The following RUNX2 variants were observed in gnomAD, a reference collection of about 807,000 sequenced individuals.
The protein encoded by RUNX2 is RUNX family transcription factor 2, also known as runt-related transcription factor 2.
RUNX2 carries 10 observed loss-of-function variants against 51.7 expected under a neutral mutation model. The ratio of observed to expected loss-of-function variants is 0.19; its 90% CI spans 0.12 to 0.33. The LOEUF is 0.33. RUNX2 is among the 10% of genes least tolerant of loss of function. The probability of loss-of-function intolerance (pLI) is 1.00; values close to 1 mark genes in which losing one functional copy is unlikely to be tolerated. For synonymous variants in RUNX2, 276 were observed against 273.6 expected, an observed-to-expected ratio of 1.01 and a Z score of -0.09; for missense variants, 562 against 691.3, an observed-to-expected ratio of 0.81 and a Z score of 2.10.
At position 45,462,825 on chromosome 6, in the gene RUNX2, G is replaced by A. The variant is rs566196391; in HGVS notation, c.685+24774G>A. On this transcript the variant is annotated intron_variant, in intron 5 of 8. Coordinates refer to ENST00000647337, the MANE Select transcript of RUNX2 (RefSeq NM_001024630.4). ...AAACTTAAGCAAGTGAGCATCAATT[G>A]CAAGTTAATTTTGACATGGATGTCT... Among the ~76,000 whole-genome samples, 6 of 152,310 alleles carry A rather than the reference G, an allele frequency of 3.9e-5. No homozygotes were observed. The East Asian group carries it at 9.7e-4, about 25-fold the overall frequency.
intron 3 of RUNX2, among the ~76,000 whole-genome samples, chr6:45,427,025 A>G (rs899628424): frequency 6.6e-6 from 1 of 152,194 alleles, no homozygotes; most frequent in African/African-American, 2.4e-5. Context: ...ATGCAAAATT[A>G]TGTAAATCAA....
intron 5 of RUNX2, among the ~76,000 whole-genome samples, chr6:45,458,133 T>TCTC (rs1307225885): frequency 1.3e-5 from 2 of 151,226 alleles, no homozygotes; most frequent in African/African-American, 4.9e-5. Context: ...TTCAAGAGAT[T>TCTC]CTCCTGCCTC....
intron 2 of RUNX2, among the ~76,000 whole-genome samples, chr6:45,352,394 T>C (rs1792254660): frequency 6.6e-6 from 1 of 152,032 alleles, no homozygotes; most frequent in Non-Finnish European, 1.5e-5. Context: ...TTATTATAGA[T>C]ACAAATCTAA....
chr6:45,415,110 T>C (rs921532939), intron 2 of RUNX2, among the ~76,000 whole-genome samples: 22 of 152,156 alleles, frequency 1.4e-4, no homozygotes, highest in African/African-American at 4.8e-4. Context: ...GAAACCACTA[T>C]GAATAGGCAT....
intron 5 of RUNX2, among the ~76,000 whole-genome samples, chr6:45,439,350 G>C (rs1285328366): frequency 6.6e-6 from 1 of 152,210 alleles, no homozygotes; most frequent in Non-Finnish European, 1.5e-5. Flanking sequence ...TAAGCACCAA[G>C]TCTCTAGTCC....
intron 5 of RUNX2, among the ~76,000 whole-genome samples, chr6:45,485,126 C>T (rs575793056): frequency 6.6e-6 from 1 of 152,022 alleles, no homozygotes; most frequent in African/African-American, 2.4e-5. Flanking sequence ...GGATGAGGCT[C>T]ATGGACTGCC....
chr6:45,547,498 AG>A lies in RUNX2; in HGVS notation c.*195del. ...AAGAGGGTAGATATTGAGAAGCAGA[AG>A]GCTCAAGAGAGACAATTGCAATCGA... On this transcript the variant is annotated 3_prime_UTR_variant, in exon 9 of 9. Coordinates refer to ENST00000647337, the MANE Select transcript of RUNX2 (RefSeq NM_001024630.4). 1 of 604,962 alleles carries A rather than the reference AG, an allele frequency of 1.7e-6. No individual in the cohort carries two copies. The highest frequency in any genetic ancestry group is 2.9e-6 in the Non-Finnish European group (1 of 340,790). The allele number at this position is 604,962 out of a possible 1,614,324, so 37.5% of individuals were successfully genotyped here.
At chr6:45,472,443 C>A (rs1031368920) in intron 5 of RUNX2, among the ~76,000 whole-genome samples, 1 of 152,188 alleles carries the variant, frequency 6.6e-6, no homozygotes, top group Non-Finnish European at 1.5e-5. Flanking sequence ...GCCAAATATT[C>A]CCTCCTAGGC....
chr6:45,525,980 T>A (rs1167570268), intron 7 of RUNX2, among the ~76,000 whole-genome samples: 2 of 150,794 alleles, frequency 1.3e-5, no homozygotes, highest in Admixed American at 1.3e-4. Context: ...TGACAGAGAC[T>A]CTGTCTCCAA....
At chr6:45,461,956 C>T (rs1799490165) in intron 5 of RUNX2, among the ~76,000 whole-genome samples, 1 of 152,086 alleles carries the variant, frequency 6.6e-6, no homozygotes, top group African/African-American at 2.4e-5. Flanking sequence ...GTGGCTAGAA[C>T]ACATGACCAG....
At chr6:45,490,902 TTC>T (rs995640046) in intron 5 of RUNX2, among the ~76,000 whole-genome samples, 12 of 152,270 alleles carry the variant, frequency 7.9e-5, no homozygotes, top group Middle Eastern at 3.4e-3. Flanking sequence ...CCCAGTCCAT[TTC>T]TGTTTCTCTA....
intron 7 of RUNX2, among the ~76,000 whole-genome samples, chr6:45,529,677 T>C (rs183788334): frequency 6.6e-6 from 1 of 152,196 alleles, no homozygotes; most frequent in Admixed American, 6.5e-5. Flanking sequence ...AAAAATGTAA[T>C]GTGAATTTTC....
chr6:45,485,695 G>GTATA (rs1389655363), intron 5 of RUNX2, among the ~76,000 whole-genome samples: 11 of 107,166 alleles, frequency 1.0e-4, no homozygotes, highest in South Asian at 2.9e-4. Context: ...GTGTGTGTGT[G>GTATA]TGTATATATA....
In RUNX2 at chr6:45,546,951, C is replaced by T. The variant is rs1802418785; in HGVS notation, c.1212C>T (p.Val404=). The T allele has an allele frequency of 6.2e-7, 1 of 1,614,020 alleles. No homozygotes were observed. The highest frequency in any genetic ancestry group is 8.5e-7 in the Non-Finnish European group (1 of 1,180,000). Residue 404 remains valine, a synonymous_variant, in exon 9 of 9, where the codon GTC becomes GTT. Coordinates refer to ENST00000647337, the MANE Select transcript of RUNX2 (RefSeq NM_001024630.4). The part of the protein sequence containing the change: ...YPATFTYTPP[V]TSGMSLGMSA... ...CCACCTTTACTTACACCCCGCCAGT[C>T]ACCTCAGGCATGTCCCTCGGTATGT...
intron 4 of RUNX2, 128 bp downstream of exon 4, chr6:45,432,147 A>G (rs1360469258): frequency 2.3e-5 from 21 of 907,714 alleles, no homozygotes; most frequent in Non-Finnish European, 3.3e-5. Flanking sequence ...ATTTGATTTA[A>G]ATACATCCAG....
chr6:45,509,865 A>G (rs1801091355), intron 6 of RUNX2, among the ~76,000 whole-genome samples: 1 of 152,174 alleles, frequency 6.6e-6, no homozygotes, highest in Admixed American at 6.5e-5. Context: ...GAGGAATGGT[A>G]TAGGTTAAAC....
At chr6:45,336,383 T>A (rs1788557789) in intron 2 of RUNX2, among the ~76,000 whole-genome samples, 1 of 151,350 alleles carries the variant, frequency 6.6e-6, no homozygotes, top group Non-Finnish European at 1.5e-5. Context: ...ACACATAAAG[T>A]GATCTGTTTT....
At chr6:45,533,029 A>G (rs1263036664) in intron 7 of RUNX2, among the ~76,000 whole-genome samples, 4 of 151,600 alleles carry the variant, frequency 2.6e-5, no homozygotes, top group Non-Finnish European at 2.9e-5. Flanking sequence ...AGAGAAATAC[A>G]AGACGTCTGG....
chr6:45,426,098 C>A (rs1417045200), intron 3 of RUNX2, among the ~76,000 whole-genome samples: 1 of 151,964 alleles, frequency 6.6e-6, no homozygotes, highest in Non-Finnish European at 1.5e-5. Context: ...AATGTATTAG[C>A]GTTGTTCATC....
Sources: allele counts gnomAD v4.1 joint callset (sites outside exome capture counted in the v4.1 genomes callset), GRCh38; gene constraint gnomAD v4.1.1; transcripts MANE v1.5; gene names NCBI Gene and HGNC (gene_info 2026-07-23, HGNC 2026-07-21).